UBE3D: variants seen among roughly 807,000 people sequenced by gnomAD.
UBE3D encodes the protein ubiquitin protein ligase E3D, also known as E3 ubiquitin-protein ligase E3D.
In UBE3D, 48 loss-of-function variants were observed where a neutral mutation model predicts 49.6. The observed-to-expected ratio is 0.97, with a 90% CI of 0.77 to 1.23. The LOEUF (loss-of-function observed/expected upper bound fraction) is 1.23, where lower values mean the gene tolerates loss of function less well. UBE3D is among the 50% of genes most tolerant of loss of function. UBE3D has a pLI of 0.00. For missense variants in UBE3D, 452 were observed against 468.4 expected, an observed-to-expected ratio of 0.96 and a Z score of 0.32; for synonymous variants, 189 against 174.2, an observed-to-expected ratio of 1.08 and a Z score of -0.67.
intron 9 of UBE3D, chr6:82,938,212 T>C (rs1309780555): frequency 6.6e-6 from 1 of 152,182 alleles, no homozygotes. Flanking sequence ...ACATATGTAA[T>C]TTAACCCAAC....
chr6:82,901,487 T>G (rs1771732343), intron 9 of UBE3D, among the ~76,000 whole-genome samples: 2 of 152,176 alleles, frequency 1.3e-5, no homozygotes, highest in African/African-American at 4.8e-5. Context: ...GGGTGGGGCC[T>G]AGCAAGGGGT....
At chr6:82,953,982 C>T (rs192289233) in intron 9 of UBE3D, among the ~76,000 whole-genome samples, 15 of 152,202 alleles carry the variant, frequency 9.9e-5, no homozygotes, top group Admixed American at 9.2e-4. Context: ...ACAGCCAGTC[C>T]ACAGATCCTA....
chr6:83,057,449 G>C lies in UBE3D; in HGVS notation c.274+377C>G, dbSNP rs1783884442. ...CATAGCACAAACCAAAATATTTGTTGAATGAATAAATTTCCATGTAATGCT... is the reference window on the plus strand; with the variant it reads ...CATAGCACAAACCAAAATATTTGTTCAATGAATAAATTTCCATGTAATGCT... On this transcript the variant is annotated intron_variant, in intron 2 of 9. Transcript: ENST00000369747. Among the ~76,000 whole-genome samples the C allele has an allele frequency of 1.3e-5, 2 of 152,156 alleles. 1 individual carries two copies. Among genetic ancestry groups the C allele is most frequent in the South Asian group, 4.1e-4 (2 of 4,834 alleles).
In UBE3D at chr6:83,004,531, C is replaced by T. The variant is rs139620471; in HGVS notation, c.1010+14442G>A. On this transcript the variant is annotated intron_variant, in intron 8 of 9. Coordinates refer to ENST00000369747, the MANE Select transcript of UBE3D (RefSeq NM_198920.3). ...AAAGTCAGTGTACCCAATTGGGATG[C>T]ACTGACAATGTCACCTTGTGACTCC... 1.5e-3 allele frequency among the ~76,000 whole-genome samples: 231 copies of T among 152,290 alleles called. 1 individual carries two copies. The highest frequency in any genetic ancestry group is 5.3e-3 in the African/African-American group (219 of 41,560).
chr6:83,041,682 A>G lies in UBE3D; in HGVS notation c.597+2746T>C, dbSNP rs577578945. ...ACAGAGTTTGACAACACATTTTTCT[A>G]AGAAAACAAAAAAGACACACTTATG... On this transcript the variant is annotated intron_variant, in intron 4 of 9. Transcript: ENST00000369747. 3.9e-5 allele frequency among the ~76,000 whole-genome samples: 6 copies of G among 152,292 alleles called. No homozygotes were observed. In the South Asian group the frequency reaches 1.2e-3, roughly 32 times the overall value.
the UBE3D span, among the ~76,000 whole-genome samples, chr6:82,885,183 A>G: frequency 6.6e-6 from 1 of 151,978 alleles, no homozygotes; most frequent in Non-Finnish European, 1.5e-5. Context: ...GCACTGACAA[A>G]GCTATTTGGT....
chr6:82,893,602 A>C (rs1430372280), intron 9 of UBE3D, among the ~76,000 whole-genome samples: 1 of 152,236 alleles, frequency 6.6e-6, no homozygotes, highest in Non-Finnish European at 1.5e-5. Flanking sequence ...AATAGTTTTG[A>C]AAACAGAAAC....
At position 82,909,466 on chromosome 6, in the gene UBE3D, G is replaced by C. The variant is rs570808844; in HGVS notation, c.1150-16424C>G. Among the ~76,000 whole-genome samples, 4 of 152,302 alleles carry C rather than the reference G, an allele frequency of 2.6e-5. No homozygotes were observed. The South Asian group carries it at 8.3e-4, about 32-fold the overall frequency. ...CCCTGTACAGCTAAGCCATTCAAGA[G>C]ATATTATTCAGAAATGCCTCCAGAG... On this transcript the variant is annotated intron_variant, in intron 9 of 9. Coordinates refer to ENST00000369747, the MANE Select transcript of UBE3D (RefSeq NM_198920.3).
rs550411893 is a variant in UBE3D at position 83,009,238 on chromosome 6, A to G, written c.1010+9735T>C. Among the ~76,000 whole-genome samples, 4 of 152,324 alleles carry G rather than the reference A, an allele frequency of 2.6e-5. No individual in the cohort carries two copies. The East Asian group carries it at 7.7e-4, about 29-fold the overall frequency. On this transcript the variant is annotated intron_variant, in intron 8 of 9. Coordinates refer to ENST00000369747, the MANE Select transcript of UBE3D (RefSeq NM_198920.3). ...TACATCCATGCTAGTATACCCTGTG[A>G]GTTATCTTTCACTAATCCATACAGG...
intron 3 of UBE3D, among the ~76,000 whole-genome samples, chr6:83,052,816 A>T (rs146378625): frequency 2.0e-5 from 3 of 152,348 alleles, no homozygotes; most frequent in Middle Eastern, 3.4e-3. Context: ...GATGCATTTG[A>T]GAACAATTAC....
intron 8 of UBE3D, among the ~76,000 whole-genome samples, chr6:82,958,131 G>C (rs1259942537): frequency 6.6e-6 from 1 of 152,120 alleles, no homozygotes; most frequent in Non-Finnish European, 1.5e-5. Flanking sequence ...GAAACCAAGG[G>C]CTAGAGAAGT....
downstream of UBE3D, among the ~76,000 whole-genome samples, chr6:82,891,497 G>A (rs774217884): frequency 6.6e-6 from 1 of 152,224 alleles, no homozygotes; most frequent in Non-Finnish European, 1.5e-5. Context: ...ATTCTCTTCT[G>A]TGGCTGTGAG....
At chr6:82,979,126 A>C (rs2127716608) in intron 8 of UBE3D, among the ~76,000 whole-genome samples, 1 of 152,352 alleles carries the variant, frequency 6.6e-6, no homozygotes, top group South Asian at 2.1e-4. Flanking sequence ...ACAATGGAAT[A>C]CTAGAGAGGG....
At chr6:82,883,658 A>C in the UBE3D span, among the ~76,000 whole-genome samples, 4 of 152,150 alleles carry the variant, frequency 2.6e-5, no homozygotes, top group Non-Finnish European at 4.4e-5. Flanking sequence ...AAATCGAATG[A>C]CCTAAGATAA....
At chr6:82,968,269 T>C (rs926314522) in intron 8 of UBE3D, among the ~76,000 whole-genome samples, 2 of 152,104 alleles carry the variant, frequency 1.3e-5, no homozygotes, top group African/African-American at 2.4e-5. Context: ...AAATCTCATA[T>C]TGTACTGCAT....
intron 8 of UBE3D, among the ~76,000 whole-genome samples, chr6:82,992,836 A>C (rs1010410406): frequency 6.6e-6 from 1 of 152,088 alleles, no homozygotes; most frequent in Non-Finnish European, 1.5e-5. Flanking sequence ...TCCAGAGCTT[A>C]CTTCTATTTG....
intron 8 of UBE3D, among the ~76,000 whole-genome samples, chr6:82,983,144 C>A (rs1396190141): frequency 7.4e-6 from 1 of 134,976 alleles, no homozygotes; most frequent in East Asian, 2.3e-4. Flanking sequence ...AGCCATCATA[C>A]CTGGCTGAAA....
chr6:83,031,871 A>G (rs1250595193), intron 5 of UBE3D, among the ~76,000 whole-genome samples: 1 of 152,208 alleles, frequency 6.6e-6, no homozygotes, highest in African/African-American at 2.4e-5. Context: ...TTCAGAGGGT[A>G]CAAGCCTCAA....
chr6:82,905,447 T>C (rs763350800), intron 9 of UBE3D, among the ~76,000 whole-genome samples: 3 of 152,132 alleles, frequency 2.0e-5, no homozygotes, highest in Non-Finnish European at 2.9e-5. Flanking sequence ...TCGATAAATG[T>C]TGTCTGTTCT....
Sources: allele counts gnomAD v4.1 joint callset (sites outside exome capture counted in the v4.1 genomes callset), GRCh38; gene constraint gnomAD v4.1.1; transcripts MANE v1.5; gene names NCBI Gene and HGNC (gene_info 2026-07-23, HGNC 2026-07-21).